The following FHOD3 variants were observed in gnomAD, a reference collection of about 807,000 sequenced individuals.
The protein encoded by FHOD3 is formin homology 2 domain containing 3.
A neutral mutation model predicts 173.0 loss-of-function variants in FHOD3; 90 were observed. The ratio of observed to expected loss-of-function variants is 0.52; its 90% CI spans 0.44 to 0.62. The LOEUF is 0.62. Among genes scored for constraint, FHOD3 ranks in the 20% least tolerant of loss-of-function variants. The pLI, the probability that FHOD3 is intolerant of heterozygous loss-of-function variation, is 0.00. For synonymous variants in FHOD3, 828 were observed against 823.0 expected (o/e 1.01, Z -0.10); for missense variants, 1,945 against 2,034.7 (o/e 0.96, Z 0.85).
intron 5 of FHOD3, among the ~76,000 whole-genome samples, chr18:36,562,347 A>G (rs1458274162): frequency 6.6e-6 from 1 of 152,206 alleles, no homozygotes; most frequent in Non-Finnish European, 1.5e-5. Flanking sequence ...TCATTTTTAA[A>G]AAGTCCCATT....
intron 8 of FHOD3, among the ~76,000 whole-genome samples, chr18:36,604,736 G>T (rs1340019627): frequency 1.3e-5 from 2 of 152,154 alleles, no homozygotes; most frequent in South Asian, 2.1e-4. Context: ...AGTGAAACAG[G>T]TTCCAGAGGA....
intron 1 of FHOD3, among the ~76,000 whole-genome samples, chr18:36,321,880 C>T (rs114553773): frequency 0.047 from 7,101 of 152,242 alleles, 537 homozygotes; most frequent in African/African-American, 0.16. Context: ...ATGAGGAGGG[C>T]GTGGGGCTGC....
chr18:36,706,509 G>A (rs768968392), intron 17 of FHOD3, among the ~76,000 whole-genome samples: 4 of 152,244 alleles, frequency 2.6e-5, no homozygotes, highest in Non-Finnish European at 5.9e-5. Flanking sequence ...CCACAAGAGT[G>A]TGGCTTTTCC....
At chr18:36,318,613 A>G (rs2044245941) in intron 1 of FHOD3, among the ~76,000 whole-genome samples, 1 of 152,230 alleles carries the variant, frequency 6.6e-6, no homozygotes, top group Non-Finnish European at 1.5e-5. Context: ...TTATCAGCTT[A>G]AGGAGATTTT....
At chr18:36,615,460 A>G (rs958896410) in intron 9 of FHOD3, among the ~76,000 whole-genome samples, 3 of 152,006 alleles carry the variant, frequency 2.0e-5, no homozygotes, top group Admixed American at 6.6e-5. Flanking sequence ...ATTTTGGTCT[A>G]TTTTTCTGGT....
At chr18:36,639,054 C>T (rs1600014292) in intron 10 of FHOD3, among the ~76,000 whole-genome samples, 1 of 152,156 alleles carries the variant, frequency 6.6e-6, no homozygotes, top group Admixed American at 6.5e-5. Context: ...CCTGGATCCA[C>T]CAAGGTCTTG....
chr18:36,772,839 C>A (rs1011396954), intron 28 of FHOD3, among the ~76,000 whole-genome samples: 6 of 152,200 alleles, frequency 3.9e-5, no homozygotes, highest in African/African-American at 1.4e-4. Flanking sequence ...GGGTGCCCAC[C>A]CTGCCCCAGA....
At chr18:36,322,821 G>A (rs1412577956) in intron 1 of FHOD3, among the ~76,000 whole-genome samples, 3 of 152,040 alleles carry the variant, frequency 2.0e-5, no homozygotes, top group African/African-American at 7.3e-5. Context: ...CCCTGATAGG[G>A]TCATCCTCGT....
At chr18:36,349,240 G>A (rs1422996619) in intron 1 of FHOD3, among the ~76,000 whole-genome samples, 3 of 152,202 alleles carry the variant, frequency 2.0e-5, no homozygotes, top group Non-Finnish European at 4.4e-5. Context: ...AACATCTTCA[G>A]ATAGAGGCAG....
chr18:36,686,540 G>A (rs559878693), intron 15 of FHOD3, among the ~76,000 whole-genome samples: 13 of 151,604 alleles, frequency 8.6e-5, no homozygotes, highest in Admixed American at 3.3e-4. Context: ...GGCATGTTGG[G>A]CTTAATACTT....
intron 2 of FHOD3, among the ~76,000 whole-genome samples, chr18:36,356,273 TAATG>T (rs2046356725): frequency 6.6e-6 from 1 of 152,262 alleles, no homozygotes; most frequent in African/African-American, 2.4e-5. Context: ...TTAATTATGT[TAATG>T]TCAACTTACT....
chr18:36,664,009 G>T (rs499906), intron 14 of FHOD3, among the ~76,000 whole-genome samples: 96,098 of 151,906 alleles, frequency 0.63, 31,050 homozygotes, highest in Non-Finnish European at 0.69. Context: ...TGTGTTTTGT[G>T]GATATGTGAT....
chr18:36,747,428 A>C (rs1054931223), intron 24 of FHOD3, among the ~76,000 whole-genome samples: 1 of 152,216 alleles, frequency 6.6e-6, no homozygotes, highest in African/African-American at 2.4e-5. Flanking sequence ...TGAACCCTGC[A>C]TCTCTGGGTC....
chr18:36,621,623 C>T (rs1376675779), intron 9 of FHOD3, among the ~76,000 whole-genome samples: 1 of 152,208 alleles, frequency 6.6e-6, no homozygotes, highest in Non-Finnish European at 1.5e-5. Context: ...TGTGTAAACA[C>T]TTTTCAGGCT....
intron 21 of FHOD3, among the ~76,000 whole-genome samples, chr18:36,741,366 G>A (rs2041893850): frequency 6.6e-6 from 1 of 152,200 alleles, no homozygotes; most frequent in Non-Finnish European, 1.5e-5. Context: ...TAGGGCAGTG[G>A]GAGTTTTTCG....
At chr18:36,298,442 G>C (rs2091865143) in intron 1 of FHOD3, among the ~76,000 whole-genome samples, 1 of 152,164 alleles carries the variant, frequency 6.6e-6, no homozygotes, top group Non-Finnish European at 1.5e-5. Flanking sequence ...GCGACGGCCG[G>C]GACAAAACCT....
intron 3 of FHOD3, among the ~76,000 whole-genome samples, chr18:36,390,138 A>G (rs540728464): frequency 6.6e-6 from 1 of 152,042 alleles, no homozygotes; most frequent in Non-Finnish European, 1.5e-5. Context: ...GGCTTTGGGT[A>G]TTTTAGCCCC....
intron 1 of FHOD3, among the ~76,000 whole-genome samples, chr18:36,349,911 G>T (rs560793761): frequency 2.0e-5 from 3 of 152,202 alleles, no homozygotes; most frequent in African/African-American, 7.2e-5. Flanking sequence ...GATTACAGGT[G>T]TGTCACCACC....
intron 1 of FHOD3, among the ~76,000 whole-genome samples, chr18:36,319,235 T>C: frequency 6.6e-6 from 1 of 152,026 alleles, no homozygotes; most frequent in East Asian, 1.9e-4. Context: ...CCATCTCACG[T>C]GAAAAGACAC....
Sources: gnomAD v4.1 joint callset for allele counts (sites outside exome capture counted in the v4.1 genomes callset) on GRCh38, gnomAD v4.1.1 for gene constraint, MANE v1.5 for transcripts, NCBI Gene and HGNC (gene_info 2026-07-23, HGNC 2026-07-21) for gene names.